NR3C2: variants seen among roughly 807,000 people sequenced by gnomAD.
NR3C2 encodes mineralocorticoid receptor.
Under a neutral mutation model 86.4 loss-of-function variants are expected in NR3C2, and 15 were observed. The observed-to-expected ratio is 0.17, with a 90% CI of 0.12 to 0.27. The LOEUF is 0.27. Among genes scored for constraint, NR3C2 ranks in the 10% least tolerant of loss-of-function variants. NR3C2 has a pLI of 1.00. For missense variants in NR3C2, 960 were observed against 1,195.6 expected, an observed-to-expected ratio of 0.80 and a Z score of 2.91; for synonymous variants, 458 against 450.5, an observed-to-expected ratio of 1.02 and a Z score of -0.21.
chr4:148,440,950 A>G (rs1750309359), intron 1 of NR3C2, among the ~76,000 whole-genome samples: 1 of 152,244 alleles, frequency 6.6e-6, no homozygotes, highest in Non-Finnish European at 1.5e-5. Flanking sequence ...TTTAAAGACT[A>G]AAGCTTAAGA....
At chr4:148,148,293 T>C (rs943601679) in intron 6 of NR3C2, among the ~76,000 whole-genome samples, 1 of 152,208 alleles carries the variant, frequency 6.6e-6, no homozygotes, top group African/African-American at 2.4e-5. Flanking sequence ...ATCCAATTAC[T>C]AGCAATTCTT....
chr4:148,315,432 C>T (rs1743121884), intron 2 of NR3C2, among the ~76,000 whole-genome samples: 1 of 152,132 alleles, frequency 6.6e-6, no homozygotes, highest in Admixed American at 6.6e-5. Flanking sequence ...ACTCTGAACC[C>T]CTCACTCTCT....
intron 4 of NR3C2, among the ~76,000 whole-genome samples, chr4:148,173,169 T>G (rs941744754): frequency 6.6e-6 from 1 of 152,194 alleles, no homozygotes; most frequent in Non-Finnish European, 1.5e-5. Context: ...ATGAGGTGGG[T>G]GACAGAGTGG....
chr4:148,443,065 C>A, upstream of NR3C2: 1 of 750,282 alleles, frequency 1.3e-6, no homozygotes, highest in Non-Finnish European at 1.6e-6. Flanking sequence ...CAGCCCCTTT[C>A]CACTGTCTCC....
At chr4:148,187,477 T>C (rs1735982620) in intron 4 of NR3C2, among the ~76,000 whole-genome samples, 1 of 152,210 alleles carries the variant, frequency 6.6e-6, no homozygotes, top group African/African-American at 2.4e-5. Context: ...CATTTTTTCA[T>C]GTTTGTTGGC....
intron 3 of NR3C2, among the ~76,000 whole-genome samples, chr4:148,207,505 G>C (rs1380125000): frequency 6.6e-6 from 1 of 152,118 alleles, no homozygotes; most frequent in East Asian, 1.9e-4. Context: ...CTAAAAAATA[G>C]CTTAGTTCTT....
At chr4:148,367,858 TAC>T (rs1277224809) in intron 2 of NR3C2, among the ~76,000 whole-genome samples, 1 of 148,366 alleles carries the variant, frequency 6.7e-6, no homozygotes, top group Non-Finnish European at 1.5e-5. Flanking sequence ...CAAAAAGAAA[TAC>T]ATTCTCCCTT....
Position 148,412,197 on chromosome 4 carries a change from A to G in NR3C2, c.1757+22907T>C, listed in dbSNP as rs961587750. 3.3e-5 allele frequency among the ~76,000 whole-genome samples: 5 copies of G among 152,262 alleles called. No homozygotes were observed. The East Asian group carries it at 5.8e-4, about 18-fold the overall frequency. On this transcript the variant is annotated intron_variant, in intron 2 of 8. Transcript: ENST00000358102. ...GAACACAATAAACATCCAAGGCAGC[A>G]CTGACCATTGCTGCACACAACCTCC...
chr4:148,213,277 G>C (rs778236500), intron 3 of NR3C2, among the ~76,000 whole-genome samples: 44 of 151,998 alleles, frequency 2.9e-4, no homozygotes, highest in Admixed American at 2.6e-4. Flanking sequence ...ATTCAACAAA[G>C]TCATGGAAAT....
chr4:148,316,430 C>T (rs943495751), intron 2 of NR3C2, among the ~76,000 whole-genome samples: 3 of 152,118 alleles, frequency 2.0e-5, no homozygotes, highest in African/African-American at 2.4e-5. Flanking sequence ...CGAGAAGCCA[C>T]AACCCAGGTA....
intron 2 of NR3C2, among the ~76,000 whole-genome samples, chr4:148,344,465 T>C (rs1352433533): frequency 2.0e-5 from 3 of 152,164 alleles, no homozygotes; most frequent in Non-Finnish European, 4.4e-5. Flanking sequence ...TCAACCTCTG[T>C]AATTTATAAA....
chr4:148,228,794 G>T (rs1354000047), intron 3 of NR3C2, among the ~76,000 whole-genome samples: 2 of 152,142 alleles, frequency 1.3e-5, no homozygotes, highest in African/African-American at 4.8e-5. Flanking sequence ...TGCAAAGCAG[G>T]AGACTACTGT....
chr4:148,181,775 G>A (rs1735657981), intron 4 of NR3C2, among the ~76,000 whole-genome samples: 1 of 152,142 alleles, frequency 6.6e-6, no homozygotes, highest in African/African-American at 2.4e-5. Context: ...CACATCTTCT[G>A]CTGTATTTTC....
At chr4:148,121,282 TC>T (rs1048178320) in intron 6 of NR3C2, among the ~76,000 whole-genome samples, 1 of 152,132 alleles carries the variant, frequency 6.6e-6, no homozygotes, top group African/African-American at 2.4e-5. Context: ...ATTCTGGGGC[TC>T]CCCTCAATTG....
upstream of NR3C2, among the ~76,000 whole-genome samples, chr4:148,443,222 C>CAAAAAAA (rs59506438): frequency 5.5e-3 from 226 of 40,972 alleles, 9 homozygotes; most frequent in Middle Eastern, 0.017. Context: ...CCCCTAACAC[C>CAAAAAAA]AAAAAAAAAA....
At chr4:148,176,416 C>A (rs984023094) in intron 4 of NR3C2, among the ~76,000 whole-genome samples, 7 of 152,130 alleles carry the variant, frequency 4.6e-5, no homozygotes, top group African/African-American at 1.7e-4. Context: ...CAGTAGATAG[C>A]ACAGGGCCAT....
At chr4:148,165,902 A>G (rs2149779537) in intron 4 of NR3C2, among the ~76,000 whole-genome samples, 1 of 152,358 alleles carries the variant, frequency 6.6e-6, no homozygotes, top group East Asian at 1.9e-4. Context: ...GTACTAACAT[A>G]AAAAAGGAAA....
chr4:148,352,374 AT>A (rs2149994052), intron 2 of NR3C2, among the ~76,000 whole-genome samples: 1 of 12,396 alleles, frequency 8.1e-5, no homozygotes, highest in South Asian at 2.4e-3. Context: ...AACTCCTATC[AT>A]CTATCTATCT....
chr4:148,243,502 G>C (rs968484371), intron 3 of NR3C2, among the ~76,000 whole-genome samples: 17 of 152,082 alleles, frequency 1.1e-4, no homozygotes, highest in African/African-American at 3.6e-4. Context: ...ATATGCTTTC[G>C]AGTTCCATTT....
Sources: allele counts gnomAD v4.1 joint callset (sites outside exome capture counted in the v4.1 genomes callset), GRCh38; gene constraint gnomAD v4.1.1; transcripts MANE v1.5; gene names NCBI Gene and HGNC (gene_info 2026-07-23, HGNC 2026-07-21).